Variants in SPIDR observed in about 807,000 individuals in gnomAD.
SPIDR encodes the protein scaffold protein involved in DNA repair.
SPIDR carries 93 observed loss-of-function variants against 104.6 expected under a neutral mutation model. That is an observed-to-expected ratio of 0.89 (90% confidence interval 0.75 to 1.06). The LOEUF (loss-of-function observed/expected upper bound fraction) is 1.06. SPIDR is among the 50% of genes least tolerant of loss of function. The pLI is 0.00. For synonymous variants in SPIDR, 431 were observed against 416.9 expected (o/e 1.03, Z -0.41); for missense variants, 1,154 against 1,111.2 (o/e 1.04, Z -0.55).
rs1245048158 is a variant in SPIDR at position 47,701,791 on chromosome 8, A to C, written c.1844A>C (p.Asp615Ala). The C allele has an allele frequency of 6.2e-7, 1 of 1,613,998 alleles. No individual in the cohort carries two copies. The highest frequency in any genetic ancestry group is 8.5e-7 in the Non-Finnish European group (1 of 1,180,022). ...LTAHPNLGQI[D>A]IIDEDPIYKL... is the part of the protein sequence containing the mutation. ...GCTCATCCAAATCTGGGACAAATTG[A>C]TATAATTGACGAAGACCCCATTTAT... Residue 615 changes from aspartate (D) to alanine (A), a missense_variant, in exon 13 of 20, where the codon GAT becomes GCT. Coordinates refer to ENST00000297423, the MANE Select transcript of SPIDR (RefSeq NM_001080394.4).
chr8:47,303,228 G>GT (rs2042512747), intron 5 of SPIDR, among the ~76,000 whole-genome samples: 3 of 152,318 alleles, frequency 2.0e-5, no homozygotes, highest in African/African-American at 7.2e-5. Flanking sequence ...CTCCGTGGGC[G>GT]TAGGACTCTC....
At chr8:47,497,171 C>T (rs182018586) in intron 8 of SPIDR, among the ~76,000 whole-genome samples, 1 of 151,992 alleles carries the variant, frequency 6.6e-6, no homozygotes, top group African/African-American at 2.4e-5. Context: ...CTTTTGGTTT[C>T]ATTGGTTTCC....
intron 8 of SPIDR, among the ~76,000 whole-genome samples, chr8:47,460,158 C>T (rs141219158): frequency 1.4e-3 from 212 of 152,178 alleles, no homozygotes; most frequent in Middle Eastern, 3.4e-3. Context: ...CCATTTGTTC[C>T]AGGGCATAGT....
At chr8:47,359,609 C>T (rs1171876576) in intron 5 of SPIDR, among the ~76,000 whole-genome samples, 1 of 152,162 alleles carries the variant, frequency 6.6e-6, no homozygotes, top group Non-Finnish European at 1.5e-5. Context: ...CAATTAACTA[C>T]AGGTAGATGT....
intron 10 of SPIDR, among the ~76,000 whole-genome samples, chr8:47,652,763 G>A (rs561476725): frequency 6.6e-5 from 10 of 152,220 alleles, no homozygotes; most frequent in Middle Eastern, 3.4e-3. Context: ...TTTTTATTTG[G>A]TAGGGTCAGA....
intron 10 of SPIDR, among the ~76,000 whole-genome samples, chr8:47,663,980 A>G (rs1032974648): frequency 2.6e-5 from 4 of 152,238 alleles, no homozygotes; most frequent in Admixed American, 1.3e-4. Context: ...GAAACATTCT[A>G]TGAATGGAAT....
chr8:47,686,754 GC>G (rs1221584891), intron 11 of SPIDR, among the ~76,000 whole-genome samples: 2 of 152,158 alleles, frequency 1.3e-5, no homozygotes, highest in South Asian at 2.1e-4. Context: ...ATAACCCCTG[GC>G]CCTCAAAATA....
At chr8:47,524,791 A>G (rs1229557729) in intron 8 of SPIDR, among the ~76,000 whole-genome samples, 3 of 152,234 alleles carry the variant, frequency 2.0e-5, no homozygotes, top group Non-Finnish European at 2.9e-5. Flanking sequence ...AATTATTAAT[A>G]AATTCTAAAA....
At chr8:47,673,509 G>A in intron 10 of SPIDR, 1 of 508,760 alleles carries the variant, frequency 2.0e-6, no homozygotes, top group Non-Finnish European at 3.8e-6. Flanking sequence ...AGCCATATTT[G>A]GCTTAGGTTT....
At chr8:47,403,195 G>A (rs1464966827) in intron 6 of SPIDR, among the ~76,000 whole-genome samples, 5 of 152,000 alleles carry the variant, frequency 3.3e-5, no homozygotes, top group East Asian at 1.9e-4. Context: ...GGTATATATC[G>A]GACATATCTC....
chr8:47,528,764 A>C (rs1005707158), intron 8 of SPIDR, among the ~76,000 whole-genome samples: 2 of 152,152 alleles, frequency 1.3e-5, no homozygotes, highest in African/African-American at 2.4e-5. Flanking sequence ...TACAAAAAGA[A>C]AAAAGAGTGA....
chr8:47,361,539 T>G (rs1202004098), intron 5 of SPIDR, among the ~76,000 whole-genome samples: 3 of 152,228 alleles, frequency 2.0e-5, no homozygotes, highest in African/African-American at 7.2e-5. Flanking sequence ...GCTGTGTTTC[T>G]CAAAGGATGC....
chr8:47,430,788 A>G (rs1554688652), intron 7 of SPIDR, among the ~76,000 whole-genome samples: 1 of 152,254 alleles, frequency 6.6e-6, no homozygotes, highest in African/African-American at 2.4e-5. Flanking sequence ...CATTAGCCAT[A>G]TGACCTTTTA....
chr8:47,396,123 A>G (rs1468980913), intron 5 of SPIDR, among the ~76,000 whole-genome samples: 1 of 152,158 alleles, frequency 6.6e-6, no homozygotes, highest in Non-Finnish European at 1.5e-5. Context: ...AGAAGATTGA[A>G]GTATTTGTAC....
intron 8 of SPIDR, among the ~76,000 whole-genome samples, chr8:47,525,791 A>AT (rs1026492428): frequency 6.6e-6 from 1 of 151,906 alleles, no homozygotes; most frequent in Admixed American, 6.6e-5. Context: ...AAAAAAAAAA[A>AT]ATCACAAGGC....
At chr8:47,463,568 TACAAGAAAA>T (rs2074295038) in intron 8 of SPIDR, among the ~76,000 whole-genome samples, 1 of 152,046 alleles carries the variant, frequency 6.6e-6, no homozygotes, top group Non-Finnish European at 1.5e-5. Flanking sequence ...ACAAAGATTT[TACAAGAAAA>T]CTGGAGACCA....
chr8:47,518,862 A>G (rs748404093), intron 8 of SPIDR, among the ~76,000 whole-genome samples: 1 of 151,992 alleles, frequency 6.6e-6, no homozygotes, highest in Non-Finnish European at 1.5e-5. Flanking sequence ...GTCTCGGTCT[A>G]CTGACCTTGT....
chr8:47,550,997 A>C (rs1168566173), intron 8 of SPIDR, among the ~76,000 whole-genome samples: 1 of 152,160 alleles, frequency 6.6e-6, no homozygotes, highest in East Asian at 1.9e-4. Flanking sequence ...GAATTTTGTC[A>C]AAGGCCTTTT....
intron 10 of SPIDR, among the ~76,000 whole-genome samples, chr8:47,635,493 C>T (rs899418603): frequency 9.2e-5 from 14 of 152,112 alleles, no homozygotes; most frequent in African/African-American, 1.9e-4. Context: ...AATATATACA[C>T]GTACTATGTA....
Sources: allele counts gnomAD v4.1 joint callset (sites outside exome capture counted in the v4.1 genomes callset), GRCh38; gene constraint gnomAD v4.1.1; transcripts MANE v1.5; gene names NCBI Gene and HGNC (gene_info 2026-07-23, HGNC 2026-07-21).